GPR155: variants seen among roughly 807,000 people sequenced by gnomAD.
The protein encoded by GPR155 is lysosomal cholesterol signaling protein.
Under a neutral mutation model 93.1 loss-of-function variants are expected in GPR155, and 65 were observed. The ratio of observed to expected loss-of-function variants is 0.70; its 90% CI spans 0.57 to 0.86. The LOEUF (loss-of-function observed/expected upper bound fraction) is 0.86. Among genes scored for constraint, GPR155 ranks in the 40% least tolerant of loss-of-function variants. The pLI, the probability that GPR155 is intolerant of heterozygous loss-of-function variation, is 0.00. For synonymous variants in GPR155, 319 were observed against 360.1 expected, an observed-to-expected ratio of 0.89 and a Z score of 1.29; for missense variants, 838 against 1,034.8, an observed-to-expected ratio of 0.81 and a Z score of 2.61.
In GPR155 at chr2:174,441,748, T is replaced by C. The variant is rs942090063; in HGVS notation, c.2174+371A>G. Among the ~76,000 whole-genome samples the C allele has an allele frequency of 4.1e-5, 6 of 146,186 alleles. No homozygotes were observed. In the South Asian group the frequency reaches 6.5e-4, roughly 16 times the overall value. ...TTGTGTGTGTGTGTGTGTGTGTGTGTGTGCGTGTGTGTGTGACAGGATCTT... is the reference window on the plus strand; with the variant it reads ...TTGTGTGTGTGTGTGTGTGTGTGTGCGTGCGTGTGTGTGTGACAGGATCTT... On this transcript the variant is annotated intron_variant, in intron 14 of 15. Transcript: ENST00000392552.
chr2:174,477,582 T>G (rs1297849646), intron 2 of GPR155, among the ~76,000 whole-genome samples: 1 of 152,178 alleles, frequency 6.6e-6, no homozygotes, highest in Non-Finnish European at 1.5e-5. Context: ...ACATGGGAAT[T>G]TCAGTCTACT....
chr2:174,446,719 G>T lies in GPR155; in HGVS notation c.1905C>A (p.Ser635=). The T allele has an allele frequency of 6.2e-7, 1 of 1,613,886 alleles. No homozygotes were observed. Among genetic ancestry groups the T allele is most frequent in the Non-Finnish European group, 8.5e-7 (1 of 1,179,858 alleles). Reference sequence around the variant, plus strand: ...CTTCCTGGGCTAATATGCAGCTCTGGGAGTTACAGCGACTCACACAATGAT... The same window carrying T: ...CTTCCTGGGCTAATATGCAGCTCTGTGAGTTACAGCGACTCACACAATGAT... ...KNNHCVSRCN[S]QSCILAQEEE... Residue 635 remains serine, a synonymous_variant, in exon 12 of 16, where the codon TCC becomes TCA. Coordinates refer to ENST00000392552, the MANE Select transcript of GPR155 (RefSeq NM_152529.7).
chr2:174,461,060 G>T (rs896243060), intron 9 of GPR155, among the ~76,000 whole-genome samples: 1 of 144,296 alleles, frequency 6.9e-6, no homozygotes, highest in Non-Finnish European at 1.5e-5. Context: ...TTATATTTAT[G>T]ATAGGATTAA....
intron 11 of GPR155, among the ~76,000 whole-genome samples, 179 bp from the exon 12 acceptor site, chr2:174,446,926 A>C (rs1687150296): frequency 6.6e-6 from 1 of 152,232 alleles, no homozygotes; most frequent in Admixed American, 6.5e-5. Flanking sequence ...ATTCTAGCTG[A>C]AATGTTTTTA....
At chr2:174,469,108 T>C in intron 4 of GPR155, 41 bp from the exon 5 acceptor site, 1 of 1,579,168 alleles carries the variant, frequency 6.3e-7, no homozygotes, top group South Asian at 1.1e-5. Context: ...CAATCTCAAT[T>C]AAACAGTATT....
chr2:174,462,473 G>T (rs1373003976), intron 7 of GPR155, among the ~76,000 whole-genome samples: 3 of 152,044 alleles, frequency 2.0e-5, no homozygotes, highest in African/African-American at 7.2e-5. Flanking sequence ...ACCATGTCAG[G>T]CTAATTTTGT....
At chr2:174,453,453 G>A (rs1574708674) in intron 11 of GPR155, among the ~76,000 whole-genome samples, 1 of 152,138 alleles carries the variant, frequency 6.6e-6, no homozygotes, top group Middle Eastern at 3.4e-3. Context: ...GAGGTCAGGA[G>A]ATCGAGACCA....
At chr2:174,448,240 G>C (rs1390900936) in intron 11 of GPR155, among the ~76,000 whole-genome samples, 1 of 152,120 alleles carries the variant, frequency 6.6e-6, no homozygotes, top group East Asian at 1.9e-4. Flanking sequence ...GCCAGGCATG[G>C]TGGCGGCCGC....
chr2:174,470,616 G>T, intron 3 of GPR155, 61 bp from the exon 4 acceptor site: 2 of 1,483,876 alleles, frequency 1.3e-6, no homozygotes, highest in Non-Finnish European at 1.8e-6. Flanking sequence ...CCCAGTAGCA[G>T]GCTGCTCTGG....
chr2:174,475,273 C>T (rs1236348973), intron 2 of GPR155, among the ~76,000 whole-genome samples: 2 of 107,286 alleles, frequency 1.9e-5, no homozygotes, highest in African/African-American at 7.4e-5. Flanking sequence ...CCAGCCTGGG[C>T]GACAGAGCGA....
chr2:174,449,698 G>A (rs949783513), intron 11 of GPR155, among the ~76,000 whole-genome samples: 9 of 152,120 alleles, frequency 5.9e-5, no homozygotes, highest in African/African-American at 2.2e-4. Context: ...AAACAAGTCC[G>A]GATGCGGTGG....
At position 174,468,904 on chromosome 2, in the gene GPR155, G is replaced by T; in HGVS notation, c.1182+8C>A. 1 of 1,609,868 alleles carries T rather than the reference G, an allele frequency of 6.2e-7. No individual in the cohort carries two copies. The highest frequency in any genetic ancestry group is 8.5e-7 in the Non-Finnish European group (1 of 1,176,622). ...GTTTCCATTCATTTTGGGATGCAAC[G>T]TACTTACCAAGGAGATCAGGCTGAC... On this transcript the variant is annotated splice_region_variant and intron_variant, in intron 5 of 15. Coordinates refer to ENST00000392552, the MANE Select transcript of GPR155 (RefSeq NM_152529.7).
chr2:174,461,567 A>G, intron 8 of GPR155, 21 bp downstream of exon 8: 1 of 1,574,558 alleles, frequency 6.4e-7, no homozygotes, highest in African/African-American at 1.3e-5. Flanking sequence ...GGTGTAAGCA[A>G]ACAGAGAACT....
At chr2:174,464,504 C>T (rs1687786289) in intron 7 of GPR155, among the ~76,000 whole-genome samples, 1 of 152,006 alleles carries the variant, frequency 6.6e-6, no homozygotes, top group Non-Finnish European at 1.5e-5. Context: ...TCTGTCATAG[C>T]ATAATAACCT....
chr2:174,443,914 T>TA (rs1200811846), intron 13 of GPR155, among the ~76,000 whole-genome samples: 1 of 152,194 alleles, frequency 6.6e-6, no homozygotes, highest in Non-Finnish European at 1.5e-5. Flanking sequence ...CTGGGGGTGA[T>TA]AATACTACTT....
At position 174,473,365 on chromosome 2, in the gene GPR155, C is replaced by A. The variant is rs1688054337; in HGVS notation, c.461-1G>T. On this transcript the variant is annotated splice_acceptor_variant, in intron 2 of 15. Transcript: ENST00000392552. LOFTEE classifies it high-confidence loss of function. Reference sequence around the variant, plus strand: ...TATGTAGTTTGATATAAAGCTTCAACTGCAAAACAAGAATATTGATTTTTA... The same window carrying A: ...TATGTAGTTTGATATAAAGCTTCAAATGCAAAACAAGAATATTGATTTTTA... 6.4e-7 allele frequency: 1 copy of A among 1,552,488 alleles called. No homozygotes were observed. Among genetic ancestry groups the A allele is most frequent in the Non-Finnish European group, 8.7e-7 (1 of 1,145,596 alleles).
chr2:174,437,503 G>A (rs1042380205), intron 15 of GPR155, among the ~76,000 whole-genome samples: 4 of 151,284 alleles, frequency 2.6e-5, no homozygotes, highest in African/African-American at 7.3e-5. Context: ...CACCACATTC[G>A]ACAAAAGCCT....
At chr2:174,475,642 C>T (rs992032900) in intron 2 of GPR155, among the ~76,000 whole-genome samples, 5 of 152,082 alleles carry the variant, frequency 3.3e-5, no homozygotes, top group Admixed American at 6.6e-5. Flanking sequence ...ATTAGATATG[C>T]TAGTTATATA....
chr2:174,482,284 G>A (rs1441434174), intron 1 of GPR155, among the ~76,000 whole-genome samples: 1 of 152,138 alleles, frequency 6.6e-6, no homozygotes, highest in African/African-American at 2.4e-5. Context: ...AATAAGATCC[G>A]CAAATATTAG....
Sources: allele counts gnomAD v4.1 joint callset (sites outside exome capture counted in the v4.1 genomes callset), GRCh38; gene constraint gnomAD v4.1.1; transcripts MANE v1.5; gene names NCBI Gene and HGNC (gene_info 2026-07-23, HGNC 2026-07-21).